The following FBN2 variants were observed in gnomAD, a reference collection of about 807,000 sequenced individuals.
FBN2 encodes fibrillin 2, also known as fibrillin-2.
Under a neutral mutation model 355.6 loss-of-function variants are expected in FBN2, and 105 were observed. The observed-to-expected ratio is 0.30, with a 90% confidence interval of 0.25 to 0.35. FBN2 has a LOEUF of 0.35. Ranked by LOEUF, FBN2 falls within the 10% of genes least tolerant of loss-of-function variation. The pLI, the probability that FBN2 is intolerant of heterozygous loss-of-function variation, is 1.00. For missense variants in FBN2, 3,280 were observed against 3,758.7 expected, an observed-to-expected ratio of 0.87 and a Z score of 3.33; for synonymous variants, 1,350 against 1,301.2, an observed-to-expected ratio of 1.04 and a Z score of -0.81.
chr5:128,529,126 C>A (rs1338173818), intron 3 of FBN2, among the ~76,000 whole-genome samples: 1 of 152,116 alleles, frequency 6.6e-6, no homozygotes, highest in Non-Finnish European at 1.5e-5. Context: ...CTTGCTATTT[C>A]TTGAGTGGAG....
At chr5:128,417,051 T>C (rs1277069129) in intron 7 of FBN2, among the ~76,000 whole-genome samples, 1 of 152,208 alleles carries the variant, frequency 6.6e-6, no homozygotes, top group Non-Finnish European at 1.5e-5. Flanking sequence ...CAGTTTTCCT[T>C]ATGGAAGAAT....
At chr5:128,325,620 A>G (rs1750523102) in intron 34 of FBN2, among the ~76,000 whole-genome samples, 1 of 152,166 alleles carries the variant, frequency 6.6e-6, no homozygotes, top group African/African-American at 2.4e-5. Flanking sequence ...TTGTATATTC[A>G]GTTCTTTGTT....
chr5:128,479,716 A>T (rs972658990), intron 5 of FBN2, among the ~76,000 whole-genome samples: 8 of 151,966 alleles, frequency 5.3e-5, no homozygotes, highest in Non-Finnish European at 8.8e-5. Flanking sequence ...AGCCTCAGGC[A>T]AGGAGTTCAA....
At chr5:128,299,822 C>G (rs168860) in intron 48 of FBN2, among the ~76,000 whole-genome samples, 76,189 of 152,016 alleles carry the variant, frequency 0.5, 22,192 homozygotes, top group East Asian at 0.8. Flanking sequence ...CGGAGCTGTT[C>G]CTATTTGGCC....
chr5:128,504,207 C>G (rs4100587), intron 5 of FBN2, among the ~76,000 whole-genome samples: 75,603 of 152,018 alleles, frequency 0.5, 22,069 homozygotes, highest in African/African-American at 0.82. Context: ...GTGTGCTGCA[C>G]GGGTGGAGCC....
chr5:128,275,063 ATCTAGAAACTGATGAAGG>A (rs1233313092), intron 59 of FBN2, among the ~76,000 whole-genome samples: 1 of 152,200 alleles, frequency 6.6e-6, no homozygotes, highest in Admixed American at 6.5e-5. Flanking sequence ...ATGAAACAGA[ATCTAGAAACTGATGAAGG>A]TCCGAACAGA....
At chr5:128,376,533 T>G (rs1300176214) in intron 14 of FBN2, among the ~76,000 whole-genome samples, 198 bp downstream of exon 14, 1 of 152,242 alleles carries the variant, frequency 6.6e-6, no homozygotes, top group Admixed American at 6.5e-5. Context: ...ATTATTATTT[T>G]TGTTAAGATA....
At chr5:128,271,100 T>C (rs1490430513) in intron 62 of FBN2, among the ~76,000 whole-genome samples, 1 of 152,234 alleles carries the variant, frequency 6.6e-6, no homozygotes, top group African/African-American at 2.4e-5. Context: ...TAGCTGTCAC[T>C]AGAAATTTCT....
chr5:128,501,811 A>G (rs1755823675), intron 5 of FBN2, among the ~76,000 whole-genome samples: 1 of 152,172 alleles, frequency 6.6e-6, no homozygotes, highest in African/African-American at 2.4e-5. Flanking sequence ...GACACTGCTA[A>G]AAAGAATTAC....
At chr5:128,389,845 C>A (rs1752464624) in intron 11 of FBN2, among the ~76,000 whole-genome samples, 1 of 152,194 alleles carries the variant, frequency 6.6e-6, no homozygotes, top group Admixed American at 6.5e-5. Context: ...TCCCAGCTTC[C>A]TCCTACTTCA....
At chr5:128,284,135 T>C (rs1749067752) in intron 55 of FBN2, among the ~76,000 whole-genome samples, 1 of 152,182 alleles carries the variant, frequency 6.6e-6, no homozygotes, top group Non-Finnish European at 1.5e-5. Flanking sequence ...ATGTGTAAAA[T>C]AGGAAATAAC....
intron 5 of FBN2, among the ~76,000 whole-genome samples, chr5:128,514,852 A>T (rs1756236703): frequency 6.6e-6 from 1 of 152,224 alleles, no homozygotes; most frequent in African/African-American, 2.4e-5. Flanking sequence ...ATTTTAAAAC[A>T]GAAAATTACA....
chr5:128,428,247 AACCTTCCAAAAT>A (rs1753532053), intron 7 of FBN2, among the ~76,000 whole-genome samples: 1 of 152,116 alleles, frequency 6.6e-6, no homozygotes, highest in South Asian at 2.1e-4. Flanking sequence ...AGCTGGAGTA[AACCTTCCAAAAT>A]GAAGGTCAGA....
rs574069369 is a variant in FBN2 at position 128,392,785 on chromosome 5, T to C, written c.1465+350A>G. On this transcript the variant is annotated intron_variant, in intron 10 of 64. Transcript: ENST00000262464. ...GCTTTAAACAGCCAAATGAAATACATTGAAACCAAAAACATGCTTTTTGGT... is the reference window on the plus strand; with the variant it reads ...GCTTTAAACAGCCAAATGAAATACACTGAAACCAAAAACATGCTTTTTGGT... Among the ~76,000 whole-genome samples, 37 of 152,300 alleles carry C rather than the reference T, an allele frequency of 2.4e-4. No individual in the cohort carries two copies. The South Asian group carries it at 5.2e-3, about 21-fold the overall frequency.
chr5:128,469,699 G>A (rs1262617011), intron 5 of FBN2, among the ~76,000 whole-genome samples: 1 of 152,130 alleles, frequency 6.6e-6, no homozygotes, highest in Non-Finnish European at 1.5e-5. Flanking sequence ...AACAGAGCTT[G>A]GAATAAAAGT....
chr5:128,448,238 T>C (rs1581305613), intron 6 of FBN2, among the ~76,000 whole-genome samples: 1 of 151,672 alleles, frequency 6.6e-6, no homozygotes, highest in African/African-American at 2.4e-5. Context: ...ACCTCTACTG[T>C]TCATGAAGAC....
At chr5:128,515,783 TC>T (rs11348876) in intron 5 of FBN2, among the ~76,000 whole-genome samples, 24,621 of 152,132 alleles carry the variant, frequency 0.16, 3,626 homozygotes, top group African/African-American at 0.39. Flanking sequence ...AGTCCCTTTT[TC>T]CTTTAAGTTG....
chr5:128,514,209 A>G (rs1273759678), intron 5 of FBN2, among the ~76,000 whole-genome samples: 1 of 152,230 alleles, frequency 6.6e-6, no homozygotes, highest in Non-Finnish European at 1.5e-5. Flanking sequence ...GTCATGAATT[A>G]TGGAGTTTAA....
At position 128,277,971 on chromosome 5, in the gene FBN2, G is replaced by A. The variant is rs147102633; in HGVS notation, c.7380C>T (p.Cys2460=). 1,351 of 1,613,878 alleles carry A rather than the reference G, an allele frequency of 8.4e-4. 7 individuals are homozygous for A. Among genetic ancestry groups the A allele is most frequent in the South Asian group, 2.1e-3 (188 of 91,078 alleles). The part of the protein sequence containing the change: ...IDECKVMPNL[C]TNGQCINTMG... Reference sequence around the variant, plus strand: ...TGGTATTGATGCACTGACCATTGGTGCAGAGGTTTGGCATTACCTTACATT... The same window carrying A: ...TGGTATTGATGCACTGACCATTGGTACAGAGGTTTGGCATTACCTTACATT... The change falls in exon 58 of 65, where the codon TGC becomes TGT. Residue 2460 remains cysteine, a synonymous_variant. Coordinates refer to ENST00000262464, the MANE Select transcript of FBN2 (RefSeq NM_001999.4).
Sources: allele counts gnomAD v4.1 joint callset (sites outside exome capture counted in the v4.1 genomes callset), GRCh38; gene constraint gnomAD v4.1.1; transcripts MANE v1.5; gene names NCBI Gene and HGNC (gene_info 2026-07-23, HGNC 2026-07-21).